The following DLGAP3 variants were observed in gnomAD, a reference collection of about 807,000 sequenced individuals.
DLGAP3 encodes the protein disks large-associated protein 3.
In DLGAP3, 17 loss-of-function variants were observed where a neutral mutation model predicts 81.2. The ratio of observed to expected loss-of-function variants is 0.21; its 90% CI spans 0.14 to 0.31. DLGAP3 has a LOEUF of 0.31. Among genes scored for constraint, DLGAP3 ranks in the 10% least tolerant of loss-of-function variants. The pLI is 1.00. For missense variants in DLGAP3, 1,124 were observed against 1,388.0 expected, an observed-to-expected ratio of 0.81 and a Z score of 3.02; for synonymous variants, 577 against 587.4, an observed-to-expected ratio of 0.98 and a Z score of 0.26.
chr1:34,897,314 A>C (rs1639394560), intron 5 of DLGAP3, among the ~76,000 whole-genome samples: 1 of 152,176 alleles, frequency 6.6e-6, no homozygotes, highest in African/African-American at 2.4e-5. Flanking sequence ...GACAGAGAAG[A>C]CCTCAACAAT....
At chr1:34,898,987 G>A (rs1243732257) in intron 5 of DLGAP3, among the ~76,000 whole-genome samples, 1 of 152,188 alleles carries the variant, frequency 6.6e-6, no homozygotes, top group African/African-American at 2.4e-5. Context: ...TCTCTTGCTG[G>A]TGGTTCCTCA....
chr1:34,885,717 G>T lies in DLGAP3; in HGVS notation c.1675C>A (p.Gln559Lys). ...QAPPRISITAQSSTDSAHESF... is the reference protein window; with the variant it reads ...QAPPRISITAKSSTDSAHESF... ...TCGTGCGCGGAGTCGGTGCTGCTCT[G>T]GGCGGTGATGGAGATGCGGGGCGGG... The change falls in exon 7 of 12, where the codon CAG (glutamine) becomes AAG (lysine). Residue 559 changes from glutamine (Q) to lysine (K), a missense_variant. Transcript: ENST00000373347. 1 of 1,423,532 alleles carries T rather than the reference G, an allele frequency of 7.0e-7. No homozygotes were observed. Among genetic ancestry groups the T allele is most frequent in the East Asian group, 2.7e-5 (1 of 37,558 alleles). 88.2% of individuals were successfully genotyped at this position (1,423,532 alleles called of 1,614,324 possible). A position where few individuals can be genotyped will look rare whatever the true frequency, so the allele number is the denominator to read the frequency against.
At chr1:34,922,735 G>A (rs1345678206) in intron 1 of DLGAP3, among the ~76,000 whole-genome samples, 2 of 152,068 alleles carry the variant, frequency 1.3e-5, no homozygotes, top group South Asian at 2.1e-4. Context: ...GCAGAAATAC[G>A]CATGCATGTG....
chr1:34,885,925 C>T (rs983746640), intron 6 of DLGAP3, 134 bp from the exon 7 acceptor site: 1 of 1,130,680 alleles, frequency 8.8e-7, no homozygotes, highest in Middle Eastern at 3.0e-4. Context: ...TGCTGCTGCA[C>T]ACACGCCAAC....
intron 8 of DLGAP3, among the ~76,000 whole-genome samples, chr1:34,878,257 G>C (rs1050647723): frequency 6.6e-6 from 1 of 152,032 alleles, no homozygotes; most frequent in African/African-American, 2.4e-5. Context: ...AGTGAGCTGA[G>C]ATCACGCCAA....
rs6690532 is a variant in DLGAP3, at chr1:34,881,331, C to A, written c.2000+3647G>T. On this transcript the variant is annotated intron_variant, in intron 8 of 11. Coordinates refer to ENST00000373347, the MANE Select transcript of DLGAP3 (RefSeq NM_001080418.3). The stretch of plus-strand genomic sequence containing the variant: ...TTACACCCTCCACATTGCTTCCCAG[C>A]TAAAAGACTATACCCCACAGCCTCC... Among the ~76,000 whole-genome samples the A allele has an allele frequency of 1.8e-3, 271 of 152,330 alleles. 2 individuals carry two copies. Among genetic ancestry groups the A allele is most frequent in the African/African-American group, 6.0e-3 (250 of 41,570 alleles).
intron 8 of DLGAP3, among the ~76,000 whole-genome samples, chr1:34,876,154 G>A (rs752069644): frequency 2.0e-5 from 3 of 152,120 alleles, no homozygotes; most frequent in African/African-American, 2.4e-5. Context: ...GAATCTTGGC[G>A]GGGGGGTGGG....
intron 1 of DLGAP3, among the ~76,000 whole-genome samples, chr1:34,907,926 C>A (rs1159144371): frequency 6.6e-6 from 1 of 152,200 alleles, no homozygotes; most frequent in African/African-American, 2.4e-5. Flanking sequence ...CTAGAATTTC[C>A]TTTCATCCAC....
chr1:34,890,621 T>C (rs1229326443), intron 5 of DLGAP3, among the ~76,000 whole-genome samples: 1 of 152,250 alleles, frequency 6.6e-6, no homozygotes, highest in Non-Finnish European at 1.5e-5. Context: ...AGCCCTGTAG[T>C]GAGTCTCACA....
At chr1:34,886,652 G>A (rs1639236371) in intron 5 of DLGAP3, among the ~76,000 whole-genome samples, 1 of 151,992 alleles carries the variant, frequency 6.6e-6, no homozygotes, top group Non-Finnish European at 1.5e-5. Flanking sequence ...CCCCAACAGA[G>A]AGGACCAGGG....
chr1:34,879,685 TA>T (rs567920381), intron 8 of DLGAP3, among the ~76,000 whole-genome samples: 4,240 of 145,820 alleles, frequency 0.029, 78 homozygotes, highest in Admixed American at 0.079. Context: ...ATTTGAAAAC[TA>T]AAAAAAAAAA....
intron 1 of DLGAP3, among the ~76,000 whole-genome samples, chr1:34,913,513 G>A (rs1639669919): frequency 6.6e-6 from 1 of 152,120 alleles, no homozygotes; most frequent in African/African-American, 2.4e-5. Context: ...GCAACCCTGG[G>A]TATGTTCTAT....
chr1:34,869,686 G>A (rs1439554140), intron 8 of DLGAP3, among the ~76,000 whole-genome samples: 1 of 152,104 alleles, frequency 6.6e-6, no homozygotes, highest in African/African-American at 2.4e-5. Flanking sequence ...ATGTTGGTCA[G>A]GCTGGTCTCG....
intron 1 of DLGAP3, among the ~76,000 whole-genome samples, chr1:34,912,680 A>C (rs560457322): frequency 2.6e-5 from 4 of 152,222 alleles, no homozygotes; most frequent in Non-Finnish European, 5.9e-5. Flanking sequence ...GTGATAAGCC[A>C]TGTGTGTCCC....
At position 34,872,292 on chromosome 1, in the gene DLGAP3, C is replaced by T. The variant is rs188117788; in HGVS notation, c.2001-3203G>A. 6.9e-4 allele frequency among the ~76,000 whole-genome samples: 105 copies of T among 152,232 alleles called. 1 individual carries two copies. In the Middle Eastern group the frequency reaches 0.014, roughly 20 times the overall value. Reference sequence around the variant, plus strand: ...CACGGATTTTGCAATCTGGAAGCCACGGGTGATCCAAGCAAGAGTGGGTTT... The same window carrying T: ...CACGGATTTTGCAATCTGGAAGCCATGGGTGATCCAAGCAAGAGTGGGTTT... On this transcript the variant is annotated intron_variant, in intron 8 of 11. Coordinates refer to ENST00000373347, the MANE Select transcript of DLGAP3 (RefSeq NM_001080418.3).
rs572705012 is a variant in DLGAP3 at position 34,898,976 on chromosome 1, G to A, written c.1386+693C>T. Among the ~76,000 whole-genome samples, 16 of 152,278 alleles carry A rather than the reference G, an allele frequency of 1.1e-4. No individual in the cohort carries two copies. In the South Asian group the frequency reaches 3.1e-3, roughly 30 times the overall value. The stretch of plus-strand genomic sequence containing the variant: ...AGAAATGGAGGTGTTGAAAAGTAAG[G>A]TCTCTTGCTGGTGGTTCCTCAGGAC... On this transcript the variant is annotated intron_variant, in intron 5 of 11. Transcript: ENST00000373347.
At chr1:34,888,772 C>G (rs1445769646) in intron 5 of DLGAP3, among the ~76,000 whole-genome samples, 1 of 152,210 alleles carries the variant, frequency 6.6e-6, no homozygotes, top group African/African-American at 2.4e-5. Context: ...TCATCTACCT[C>G]TCAGTCTTTC....
At chr1:34,890,089 C>T (rs1044772089) in intron 5 of DLGAP3, among the ~76,000 whole-genome samples, 2 of 152,132 alleles carry the variant, frequency 1.3e-5, no homozygotes, top group African/African-American at 4.8e-5. Flanking sequence ...GGAAGCTGGT[C>T]TGAAGTACAG....
chr1:34,906,034 T>TATATATATATATATA (rs1557492434), intron 2 of DLGAP3, among the ~76,000 whole-genome samples: 3 of 39,134 alleles, frequency 7.7e-5, no homozygotes, highest in African/African-American at 1.5e-4. Flanking sequence ...ATATATATAT[T>TATATATATATATATA]TGTTTGTTTT....
Sources: allele counts gnomAD v4.1 joint callset (sites outside exome capture counted in the v4.1 genomes callset), GRCh38; gene constraint gnomAD v4.1.1; transcripts MANE v1.5; gene names NCBI Gene and HGNC (gene_info 2026-07-23, HGNC 2026-07-21).